PCBP3: variants seen among roughly 807,000 people sequenced by gnomAD.
PCBP3 encodes poly(rC) binding protein 3.
PCBP3 carries 25 observed loss-of-function variants against 52.7 expected under a neutral mutation model. The ratio of observed to expected loss-of-function variants is 0.47; its 90% CI spans 0.35 to 0.66. PCBP3 has a LOEUF of 0.66. Among genes scored for constraint, PCBP3 ranks in the 30% least tolerant of loss-of-function variants. PCBP3 has a pLI of 0.01. For synonymous variants in PCBP3, 162 were observed against 183.0 expected, an observed-to-expected ratio of 0.89 and a Z score of 0.93; for missense variants, 391 against 490.3, an observed-to-expected ratio of 0.80 and a Z score of 1.91.
At chr21:45,889,886 T>C (rs1003661515) in intron 5 of PCBP3, among the ~76,000 whole-genome samples, 5 of 152,258 alleles carry the variant, frequency 3.3e-5, no homozygotes, top group African/African-American at 7.2e-5. Context: ...AAGATACTTA[T>C]GAAAACCAAA....
intron 9 of PCBP3, among the ~76,000 whole-genome samples, chr21:45,905,914 T>C (rs984233447): frequency 4.6e-5 from 7 of 152,190 alleles, no homozygotes; most frequent in Non-Finnish European, 8.8e-5. Context: ...AAGTGGGATG[T>C]TAGGCCGGGA....
At position 45,780,917 on chromosome 21, in the gene PCBP3, G is replaced by A. The variant is rs553135206; in HGVS notation, c.-126+25465G>A. 1.0e-3 allele frequency among the ~76,000 whole-genome samples: 155 copies of A among 152,268 alleles called. 1 individual carries two copies. Among genetic ancestry groups the A allele is most frequent in the African/African-American group, 3.5e-3 (146 of 41,556 alleles). On this transcript the variant is annotated intron_variant, in intron 4 of 17. Coordinates refer to ENST00000681687, the MANE Select transcript of PCBP3 (RefSeq NM_001384156.1). Reference sequence around the variant, plus strand: ...TTTAGATCAAGCAGCCACAAGCTCCGTGGGATCACACTGACTGAGAAGGTG... The same window carrying A: ...TTTAGATCAAGCAGCCACAAGCTCCATGGGATCACACTGACTGAGAAGGTG...
At chr21:45,850,835 A>G (rs2093967976) in intron 5 of PCBP3, among the ~76,000 whole-genome samples, 1 of 152,240 alleles carries the variant, frequency 6.6e-6, no homozygotes, top group Non-Finnish European at 1.5e-5. Flanking sequence ...ATCTGTCTAT[A>G]ACACAGCATG....
At chr21:45,877,679 G>A (rs116549232) in intron 5 of PCBP3, among the ~76,000 whole-genome samples, 5 of 152,166 alleles carry the variant, frequency 3.3e-5, no homozygotes, top group Admixed American at 2.0e-4. Flanking sequence ...ATGGTGGCAC[G>A]CCTGTAGTCC....
At chr21:45,663,957 T>C (rs1400632526) in intron 1 of PCBP3, among the ~76,000 whole-genome samples, 4 of 152,048 alleles carry the variant, frequency 2.6e-5, no homozygotes, top group African/African-American at 4.8e-5. Context: ...CTTTGGGCAG[T>C]ATGTTCATTT....
Position 45,917,370 on chromosome 21 carries a change from AGCT to A in PCBP3, c.676-217_676-215del. The A allele has an allele frequency of 2.9e-6, 1 of 349,814 alleles. No individual in the cohort carries two copies. The highest frequency in any genetic ancestry group is 5.5e-6 in the Non-Finnish European group (1 of 181,814). 21.7% of individuals were successfully genotyped at this position (349,814 alleles called of 1,614,324 possible). ...TTCCCTCCCACCCGCTGAACTGGCC[AGCT>A]CAGCTCTGCCCGCCCAGAGGAAGTG... is the stretch of plus-strand genomic sequence containing the variant. On this transcript the variant is annotated intron_variant, in intron 12 of 17. Transcript: ENST00000681687. The surrounding 1 kb of genome is among the most constrained non-coding windows in gnomAD (Gnocchi z 5.3).
chr21:45,926,009 A>G (rs1199251789), intron 13 of PCBP3, among the ~76,000 whole-genome samples: 2 of 152,236 alleles, frequency 1.3e-5, no homozygotes, highest in African/African-American at 2.4e-5. Flanking sequence ...GGAGACATTT[A>G]CAAAACCTCA....
At chr21:45,662,946 C>T (rs949991027) in intron 1 of PCBP3, among the ~76,000 whole-genome samples, 3 of 152,156 alleles carry the variant, frequency 2.0e-5, no homozygotes, top group Admixed American at 6.5e-5. Flanking sequence ...GACTCTACTA[C>T]ACCACCTCTT....
chr21:45,677,438 A>G (rs1367144285), intron 2 of PCBP3, among the ~76,000 whole-genome samples: 1 of 152,264 alleles, frequency 6.6e-6, no homozygotes. Context: ...GGATTTAAGT[A>G]AAGAAGTCTC....
chr21:45,710,083 G>T (rs1175623208), intron 2 of PCBP3, among the ~76,000 whole-genome samples: 1 of 152,198 alleles, frequency 6.6e-6, no homozygotes, highest in Non-Finnish European at 1.5e-5. Flanking sequence ...ACTGTTCATG[G>T]TGACCTTGAT....
chr21:45,686,252 C>T (rs567511496), intron 2 of PCBP3, among the ~76,000 whole-genome samples: 7 of 152,170 alleles, frequency 4.6e-5, no homozygotes, highest in East Asian at 3.9e-4. Context: ...AACAGAGGTT[C>T]GGGAGACAAT....
intron 4 of PCBP3, among the ~76,000 whole-genome samples, chr21:45,787,048 C>G (rs2091212550): frequency 6.6e-6 from 1 of 152,194 alleles, no homozygotes; most frequent in Non-Finnish European, 1.5e-5. Flanking sequence ...TGATCCTCAT[C>G]TATAAAAATC....
intron 3 of PCBP3, among the ~76,000 whole-genome samples, chr21:45,748,629 T>C (rs1277395331): frequency 1.3e-5 from 2 of 152,272 alleles, no homozygotes; most frequent in Non-Finnish European, 1.5e-5. Context: ...TGAACACGGC[T>C]GCATCCACAT....
chr21:45,831,597 A>G (rs2093451500), intron 4 of PCBP3, among the ~76,000 whole-genome samples: 1 of 152,194 alleles, frequency 6.6e-6, no homozygotes, highest in African/African-American at 2.4e-5. Flanking sequence ...ACTGGAAAGC[A>G]CTGCACTGGT....
At chr21:45,804,649 C>A (rs1049649301) in intron 4 of PCBP3, among the ~76,000 whole-genome samples, 1 of 152,130 alleles carries the variant, frequency 6.6e-6, no homozygotes, top group Non-Finnish European at 1.5e-5. Context: ...TCCCTGCTGT[C>A]CTGCTGATGT....
intron 4 of PCBP3, among the ~76,000 whole-genome samples, chr21:45,790,321 G>A (rs918709839): frequency 1.3e-5 from 2 of 152,110 alleles, no homozygotes; most frequent in Admixed American, 1.3e-4. Flanking sequence ...TGGGACAGGG[G>A]AGGTGAGGTG....
intron 4 of PCBP3, among the ~76,000 whole-genome samples, chr21:45,796,567 A>C (rs1041213333): frequency 1.3e-5 from 2 of 152,066 alleles, no homozygotes; most frequent in African/African-American, 2.4e-5. Context: ...TGTGTCTTCT[A>C]ATTTCATCTT....
At chr21:45,684,760 A>G (rs1176642899) in intron 2 of PCBP3, among the ~76,000 whole-genome samples, 1 of 152,200 alleles carries the variant, frequency 6.6e-6, no homozygotes, top group African/African-American at 2.4e-5. Flanking sequence ...CATAATCTTC[A>G]TAAATTGCCC....
chr21:45,663,317 C>G (rs1032933750), intron 1 of PCBP3, among the ~76,000 whole-genome samples: 1 of 151,966 alleles, frequency 6.6e-6, no homozygotes, highest in Non-Finnish European at 1.5e-5. Context: ...AACAGCGCAG[C>G]CTGGCATTCG....
Sources: gnomAD v4.1 joint callset for allele counts (sites outside exome capture counted in the v4.1 genomes callset) on GRCh38, gnomAD v4.1.1 for gene constraint, Gnocchi (gnomAD v3.1) non-coding constraint, MANE v1.5 for transcripts, NCBI Gene and HGNC (gene_info 2026-07-23, HGNC 2026-07-21) for gene names.